Variants in RAD51AP1 observed in about 807,000 individuals in gnomAD.
The protein encoded by RAD51AP1 is RAD51-associated protein 1.
In RAD51AP1, 14 loss-of-function variants were observed where a neutral mutation model predicts 34.3. The observed-to-expected ratio is 0.41, with a 90% CI of 0.27 to 0.64. The LOEUF (loss-of-function observed/expected upper bound fraction) is 0.64, where lower values mean the gene tolerates loss of function less well. Among genes scored for constraint, RAD51AP1 ranks in the 30% least tolerant of loss-of-function variants. RAD51AP1 has a pLI of 0.33. For synonymous variants in RAD51AP1, 114 were observed against 129.8 expected (o/e 0.88, Z 0.83); for missense variants, 348 against 386.9 (o/e 0.90, Z 0.84).
intron 7 of RAD51AP1, among the ~76,000 whole-genome samples, chr12:4,554,448 T>C (rs758825943): frequency 8.5e-5 from 13 of 152,240 alleles, no homozygotes; most frequent in South Asian, 2.1e-4. Flanking sequence ...GCAATGACGA[T>C]GTAGACATCT....
In RAD51AP1 at chr12:4,558,149, T is replaced by G. The variant is rs910910052; in HGVS notation, c.872-708T>G. 4.0e-5 allele frequency among the ~76,000 whole-genome samples: 6 copies of G among 151,702 alleles called. No homozygotes were observed. The South Asian group carries it at 1.3e-3, about 32-fold the overall frequency. On this transcript the variant is annotated intron_variant, in intron 8 of 8. Transcript: ENST00000352618. Reference sequence around the variant, plus strand: ...ATATAACAGTGTCCCCAAGAACTATTAATACAACAAGAAAATATGAAGAGT... The same window carrying G: ...ATATAACAGTGTCCCCAAGAACTATGAATACAACAAGAAAATATGAAGAGT...
rs1447665335 is a variant in RAD51AP1 at position 4,553,367 on chromosome 12, T to C, written c.721+220T>C. ...CTTACTGTATATGACCTCACTTTGG[T>C]ACTCATGGCTGCCGTCTGTGGTTAG... is the stretch of plus-strand genomic sequence containing the variant. On this transcript the variant is annotated intron_variant, in intron 7 of 8. Coordinates refer to ENST00000352618, the MANE Select transcript of RAD51AP1 (RefSeq NM_006479.5). The C allele has an allele frequency of 3.8e-5, 10 of 261,872 alleles. No homozygotes were observed. In the East Asian group the frequency reaches 6.5e-4, roughly 17 times the overall value. The allele number at this position is 261,872 out of a possible 1,614,324, so 16.2% of individuals were successfully genotyped here.
At chr12:4,541,390 G>A (rs1944465619) in intron 1 of RAD51AP1, among the ~76,000 whole-genome samples, 1 of 152,126 alleles carries the variant, frequency 6.6e-6, no homozygotes. Context: ...TGGAGAGATT[G>A]AAAAGAAAGT....
intron 2 of RAD51AP1, among the ~76,000 whole-genome samples, chr12:4,542,651 C>T (rs1219744541): frequency 6.6e-6 from 1 of 151,188 alleles, no homozygotes; most frequent in African/African-American, 2.4e-5. Context: ...GGGGGGAGTC[C>T]TAAGTTATCT....
At chr12:4,557,045 C>A (rs549594236) in intron 8 of RAD51AP1, among the ~76,000 whole-genome samples, 1 of 152,324 alleles carries the variant, frequency 6.6e-6, no homozygotes, top group South Asian at 2.1e-4. Flanking sequence ...TTGACCTTCA[C>A]CCTTCTTGAC....
Position 4,543,863 on chromosome 12 carries a change from G to A in RAD51AP1, c.168G>A (p.Arg56=). 1 of 1,612,822 alleles carries A rather than the reference G, an allele frequency of 6.2e-7. No homozygotes were observed. The highest frequency in any genetic ancestry group is 8.5e-7 in the Non-Finnish European group (1 of 1,179,210). Residue 56 remains arginine, a synonymous_variant, in exon 3 of 9, where the codon CGG becomes CGA. Transcript: ENST00000352618. ...DKPKPNLNNL[R]KEEIPVQEKT... ...CAAAACCTAACTTGAACAATCTCCG[G>A]AAAGAAGAAATCCCAGTACAAGAGA...
At chr12:4,548,918 C>T (rs1591772822) in intron 6 of RAD51AP1, 82 bp downstream of exon 6, 6 of 1,463,234 alleles carry the variant, frequency 4.1e-6, no homozygotes, top group Middle Eastern at 2.4e-4. Context: ...GTGCAAAGCA[C>T]TGTGTTAAAC....
rs74613926 is a variant in RAD51AP1, at chr12:4,548,594, A to G, written c.407-93A>G. On this transcript the variant is annotated intron_variant, in intron 5 of 8. Coordinates refer to ENST00000352618, the MANE Select transcript of RAD51AP1 (RefSeq NM_006479.5). ...ATGGGAGGGATGAACCTGGGCAAAT[A>G]AAAACAATAGCTGTAATAGAGTCTG... is the stretch of plus-strand genomic sequence containing the variant. 4,185 of 1,425,182 alleles carry G rather than the reference A, an allele frequency of 2.9e-3. 73 individuals carry two copies. The East Asian group carries it at 0.049, about 17-fold the overall frequency. 88.3% of individuals were successfully genotyped at this position (1,425,182 alleles called of 1,614,324 possible).
intron 3 of RAD51AP1, chr12:4,545,662 G>GT (rs1944500697): frequency 1.1e-6 from 1 of 938,756 alleles, no homozygotes; most frequent in African/African-American, 1.7e-5. Flanking sequence ...TGTCTTTGAC[G>GT]TTTTCTTCCT....
At chr12:4,552,788 C>T (rs993578281) in intron 6 of RAD51AP1, among the ~76,000 whole-genome samples, 195 bp from the exon 7 acceptor site, 1 of 152,166 alleles carries the variant, frequency 6.6e-6, no homozygotes. Flanking sequence ...GGTGAGGAAA[C>T]TGAGGCTCAG....
At chr12:4,541,185 G>C (rs1465768752) in intron 1 of RAD51AP1, among the ~76,000 whole-genome samples, 1 of 152,122 alleles carries the variant, frequency 6.6e-6, no homozygotes, top group Non-Finnish European at 1.5e-5. Flanking sequence ...GAGCACTTCA[G>C]ATTTTAGATT....
chr12:4,544,126 A>G (rs1288141786), intron 3 of RAD51AP1, among the ~76,000 whole-genome samples: 1 of 152,048 alleles, frequency 6.6e-6, no homozygotes, highest in African/African-American at 2.4e-5. Context: ...GACAATAATG[A>G]TTGTAGAATT....
In RAD51AP1 at chr12:4,554,590, C is replaced by G. The variant is rs866706503; in HGVS notation, c.721+1443C>G. On this transcript the variant is annotated intron_variant, in intron 7 of 8. Coordinates refer to ENST00000352618, the MANE Select transcript of RAD51AP1 (RefSeq NM_006479.5). Reference sequence around the variant, plus strand: ...GACACACTAATAACTAAAAATAAAACTTCAGTTCCCAAGTTGGAGTTTACC... The same window carrying G: ...GACACACTAATAACTAAAAATAAAAGTTCAGTTCCCAAGTTGGAGTTTACC... 2.6e-4 allele frequency among the ~76,000 whole-genome samples: 40 copies of G among 152,164 alleles called. 1 individual carries two copies. Among genetic ancestry groups the G allele is most frequent in the Middle Eastern group, 6.3e-3 (2 of 316 alleles).
Position 4,553,147 on chromosome 12 carries a change from G to C in RAD51AP1, c.721G>C (p.Val241Leu). 10 of 1,556,576 alleles carry C rather than the reference G, an allele frequency of 6.4e-6. No individual in the cohort carries two copies. The highest frequency in any genetic ancestry group is 8.6e-6 in the Non-Finnish European group (10 of 1,156,360). ...ATCTAAATCCAAATGTAATGCTTTG[G>C]GTAAGCTTGGTCCAAAACACTTAAT... ...KKSKSKCNALVTSVDSAPAAV... is the reference protein window; with the variant it reads ...KKSKSKCNALLTSVDSAPAAV... The change falls in exon 7 of 9, where the codon GTG (valine) becomes CTG (leucine). Residue 241 changes from valine to leucine, a missense_variant and splice_region_variant. Coordinates refer to ENST00000352618, the MANE Select transcript of RAD51AP1 (RefSeq NM_006479.5).
At chr12:4,557,404 G>A (rs535008398) in intron 8 of RAD51AP1, among the ~76,000 whole-genome samples, 1 of 152,240 alleles carries the variant, frequency 6.6e-6, no homozygotes, top group East Asian at 1.9e-4. Context: ...TTAACTTACA[G>A]AGTCTTCATT....
chr12:4,552,337 A>G (rs569216194), intron 6 of RAD51AP1, among the ~76,000 whole-genome samples: 239 of 152,330 alleles, frequency 1.6e-3, no homozygotes, highest in African/African-American at 5.4e-3. Context: ...AGCACTTTCA[A>G]AATTAGATCA....
At chr12:4,557,196 A>G (rs1248971074) in intron 8 of RAD51AP1, among the ~76,000 whole-genome samples, 2 of 152,172 alleles carry the variant, frequency 1.3e-5, no homozygotes, top group African/African-American at 4.8e-5. Context: ...TGTTGTATGT[A>G]TGCCTCTCTC....
intron 2 of RAD51AP1, 112 bp downstream of exon 2, chr12:4,542,045 AG>A (rs1397356842): frequency 2.0e-6 from 1 of 507,562 alleles, no homozygotes; most frequent in Non-Finnish European, 3.4e-6. Flanking sequence ...CATATGAGGT[AG>A]GTCTGGAAAG....
At chr12:4,545,893 G>T (rs1565524612) in intron 3 of RAD51AP1, 3 of 1,558,664 alleles carry the variant, frequency 1.9e-6, no homozygotes, top group African/African-American at 1.4e-5. Context: ...GTAAAAAAAT[G>T]ATAATAATTT....
Sources: allele counts gnomAD v4.1 joint callset (sites outside exome capture counted in the v4.1 genomes callset), GRCh38; gene constraint gnomAD v4.1.1; transcripts MANE v1.5; gene names NCBI Gene and HGNC (gene_info 2026-07-23, HGNC 2026-07-21).